The following DPY19L4 variants were observed in gnomAD, a reference collection of about 807,000 sequenced individuals.
DPY19L4 encodes probable C-mannosyltransferase DPY19L4.
A neutral mutation model predicts 102.8 loss-of-function variants in DPY19L4; 97 were observed. That is an observed-to-expected ratio of 0.94 (90% CI 0.80 to 1.12). DPY19L4 has a LOEUF of 1.12. DPY19L4 is among the 50% of genes most tolerant of loss of function. DPY19L4 has a pLI of 0.00. For synonymous variants in DPY19L4, 252 were observed against 283.1 expected, an observed-to-expected ratio of 0.89 and a Z score of 1.10; for missense variants, 815 against 850.4, an observed-to-expected ratio of 0.96 and a Z score of 0.52.
intron 14 of DPY19L4, 25 bp downstream of exon 14, chr8:94,777,811 C>T (rs764852290): frequency 6.3e-7 from 1 of 1,592,648 alleles, no homozygotes; most frequent in Admixed American, 1.8e-5. Context: ...TGCATTGTTT[C>T]TCTTCTAATT....
intron 16 of DPY19L4, among the ~76,000 whole-genome samples, chr8:94,781,736 G>A (rs558613736): frequency 6.6e-6 from 1 of 152,306 alleles, no homozygotes; most frequent in Admixed American, 6.5e-5. Flanking sequence ...AGATGAGAAA[G>A]CAGATCTCTC....
At chr8:94,768,349 T>A in intron 11 of DPY19L4, 46 bp from the exon 12 acceptor site, 3 of 1,488,772 alleles carry the variant, frequency 2.0e-6, no homozygotes, top group Non-Finnish European at 2.7e-6. Flanking sequence ...CTGTGTTCAG[T>A]TTAAAACGTC....
chr8:94,791,306 T>C lies in DPY19L4; in HGVS notation c.*1396T>C, dbSNP rs1378428161. The C allele has an allele frequency of 1.3e-5, 2 of 152,316 alleles. No individual in the cohort carries two copies. Among genetic ancestry groups the C allele is most frequent in the Admixed American group, 1.3e-4 (2 of 15,304 alleles). The allele number at this position is 152,316 out of a possible 1,614,324, so 9.4% of individuals were successfully genotyped here. The stretch of plus-strand genomic sequence containing the variant: ...AAGGGAGCTTTTCCGTTGTCTTTAT[T>C]TTCTGTTATACATGTGTTGTTAAAG... On this transcript the variant is annotated 3_prime_UTR_variant, in exon 19 of 19. Coordinates refer to ENST00000414645, the MANE Select transcript of DPY19L4 (RefSeq NM_181787.3).
intron 12 of DPY19L4, among the ~76,000 whole-genome samples, chr8:94,769,054 G>GTTTTT (rs1184803488): frequency 2.9e-5 from 4 of 138,374 alleles, no homozygotes; most frequent in Admixed American, 7.1e-5. Flanking sequence ...TTTAAACTTA[G>GTTTTT]TTTTTTTGTT....
chr8:94,731,908 C>CA lies in DPY19L4; in HGVS notation c.128-2721dup, dbSNP rs1360926353. On this transcript the variant is annotated intron_variant, in intron 2 of 18. Coordinates refer to ENST00000414645, the MANE Select transcript of DPY19L4 (RefSeq NM_181787.3). ...TCAGCCTCCCGAGTAGCTGGGACTA[C>CA]AGGTGCCCGCCACCACACCTGGCTA... is the stretch of plus-strand genomic sequence containing the variant. Among the ~76,000 whole-genome samples, 9 of 152,224 alleles carry CA rather than the reference C, an allele frequency of 5.9e-5. 1 individual carries two copies. The East Asian group carries it at 1.2e-3, about 20-fold the overall frequency.
intron 15 of DPY19L4, 149 bp from the exon 16 acceptor site, chr8:94,780,935 A>G: frequency 1.7e-6 from 1 of 584,648 alleles, no homozygotes; most frequent in South Asian, 2.5e-5. Flanking sequence ...GAGATCCATC[A>G]TGACATTTTT....
chr8:94,766,719 G>A (rs749512640), intron 11 of DPY19L4, 34 bp downstream of exon 11: 11 of 1,550,294 alleles, frequency 7.1e-6, no homozygotes, highest in African/African-American at 6.8e-5. Context: ...TACCTAAATC[G>A]ATACCACTTA....
At chr8:94,772,490 C>G (rs1008900520) in intron 13 of DPY19L4, among the ~76,000 whole-genome samples, 1 of 152,202 alleles carries the variant, frequency 6.6e-6, no homozygotes, top group Non-Finnish European at 1.5e-5. Context: ...CAGGAGACAC[C>G]AAAGCACAGA....
chr8:94,729,179 G>A (rs905167169), intron 2 of DPY19L4, among the ~76,000 whole-genome samples: 3 of 151,986 alleles, frequency 2.0e-5, no homozygotes, highest in Admixed American at 6.6e-5. Flanking sequence ...GACCATCCTG[G>A]CTAACATGGT....
rs10111284 is a variant in DPY19L4, at chr8:94,785,636, A to G, written c.1848+1834A>G. 3.1e-3 allele frequency among the ~76,000 whole-genome samples: 476 copies of G among 152,314 alleles called. 3 individuals are homozygous for G. Among genetic ancestry groups the G allele is most frequent in the African/African-American group, 0.011 (458 of 41,582 alleles). On this transcript the variant is annotated intron_variant, in intron 17 of 18. Coordinates refer to ENST00000414645, the MANE Select transcript of DPY19L4 (RefSeq NM_181787.3). The stretch of plus-strand genomic sequence containing the variant: ...GTAAACCTGGCAGTCGAATGATTAG[A>G]TCTGCTTTGGAGAGTTAATTATGGT...
intron 13 of DPY19L4, among the ~76,000 whole-genome samples, chr8:94,770,838 C>T (rs186330241): frequency 1.5e-4 from 22 of 151,478 alleles, no homozygotes; most frequent in Admixed American, 5.9e-4. Context: ...TGCAATGAGC[C>T]GAGATTGCGC....
In DPY19L4 at chr8:94,770,613, G is replaced by A. The variant is rs759641585; in HGVS notation, c.1454+42G>A. On this transcript the variant is annotated intron_variant, in intron 13 of 18. Coordinates refer to ENST00000414645, the MANE Select transcript of DPY19L4 (RefSeq NM_181787.3). ...TGATCCCTTTGTTTTAACAAAGATT[G>A]TTGGCTGAGTGCGGTGACTCACACC... 15 of 1,608,040 alleles carry A rather than the reference G, an allele frequency of 9.3e-6. No homozygotes were observed. The East Asian group carries it at 2.9e-4, about 31-fold the overall frequency.
intron 7 of DPY19L4, among the ~76,000 whole-genome samples, 193 bp downstream of exon 7, chr8:94,756,352 T>C (rs1812163755): frequency 6.6e-6 from 1 of 152,242 alleles, no homozygotes; most frequent in Admixed American, 6.5e-5. Context: ...TAACAGTAAA[T>C]TAGGAGAAAG....
At chr8:94,778,141 T>C (rs1400767950) in intron 14 of DPY19L4, among the ~76,000 whole-genome samples, 1 of 151,796 alleles carries the variant, frequency 6.6e-6, no homozygotes, top group South Asian at 2.1e-4. Context: ...AGGCTGAGAA[T>C]TGAGAATTGG....
chr8:94,738,752 T>A (rs917909124), intron 4 of DPY19L4, among the ~76,000 whole-genome samples: 7 of 152,076 alleles, frequency 4.6e-5, no homozygotes, highest in Non-Finnish European at 8.8e-5. Context: ...GACCTCATGA[T>A]CTGCCCGCCT....
chr8:94,766,685 A>G lies in DPY19L4; in HGVS notation c.1175A>G (p.Lys392Arg), dbSNP rs755604255. The change falls in exon 11 of 19, where the codon AAG (lysine) becomes AGG (arginine). Residue 392 changes from lysine (K) to arginine (R), a missense_variant and splice_region_variant. By Grantham distance (26) the Lys-to-Arg change is conservative. Coordinates refer to ENST00000414645, the MANE Select transcript of DPY19L4 (RefSeq NM_181787.3). ...GTAAAATTTGGACTAAATATGACCA[A>G]GTAAGTTTTAGATTATGTAAGTTTA... The part of the protein sequence containing the change: ...LEVKFGLNMT[K>R]NFTMNWLLCQ... The G allele has an allele frequency of 5.0e-6, 8 of 1,610,876 alleles. No homozygotes were observed. The East Asian group carries it at 1.6e-4, about 31-fold the overall frequency.
intron 2 of DPY19L4, among the ~76,000 whole-genome samples, chr8:94,726,777 G>T (rs1810708800): frequency 1.3e-5 from 2 of 152,142 alleles, no homozygotes. Flanking sequence ...ACTATCACTT[G>T]TACGCACCTT....
chr8:94,748,112 G>C (rs754603538), intron 6 of DPY19L4, among the ~76,000 whole-genome samples: 4 of 152,188 alleles, frequency 2.6e-5, no homozygotes, highest in Non-Finnish European at 5.9e-5. Flanking sequence ...CAGGGGAAGA[G>C]AGTGAGTAGC....
chr8:94,728,879 T>C (rs1409433264), intron 2 of DPY19L4, among the ~76,000 whole-genome samples: 1 of 152,142 alleles, frequency 6.6e-6, no homozygotes, highest in Non-Finnish European at 1.5e-5. Flanking sequence ...ACTTGTAATG[T>C]TGAAGTGAGA....
Sources: gnomAD v4.1 joint callset for allele counts (sites outside exome capture counted in the v4.1 genomes callset) on GRCh38, gnomAD v4.1.1 for gene constraint, MANE v1.5 for transcripts, NCBI Gene and HGNC (gene_info 2026-07-23, HGNC 2026-07-21) for gene names.